EPS15: variants seen among roughly 807,000 people sequenced by gnomAD.
EPS15 encodes epidermal growth factor receptor substrate 15.
Under a neutral mutation model 113.8 loss-of-function variants are expected in EPS15, and 72 were observed. The ratio of observed to expected loss-of-function variants is 0.63; its 90% confidence interval spans 0.52 to 0.77. EPS15 has a LOEUF of 0.77. Ranked by LOEUF, EPS15 falls within the 30% of genes least tolerant of loss-of-function variation. The pLI is 0.00. For synonymous variants in EPS15, 344 were observed against 363.4 expected, an observed-to-expected ratio of 0.95 and a Z score of 0.61; for missense variants, 1,048 against 1,045.8, an observed-to-expected ratio of 1.00 and a Z score of -0.03.
chr1:51,477,963 A>G (rs1475046337), intron 2 of EPS15, among the ~76,000 whole-genome samples: 3 of 152,152 alleles, frequency 2.0e-5, no homozygotes, highest in African/African-American at 7.2e-5. Context: ...GTAGAGGTCT[A>G]TTAGGTCCGG....
At chr1:51,377,895 C>CTTTT (rs1209383457) in intron 21 of EPS15, among the ~76,000 whole-genome samples, 1 of 136,556 alleles carries the variant, frequency 7.3e-6, no homozygotes, top group Non-Finnish European at 1.6e-5. Context: ...TAATCATTAG[C>CTTTT]TTTTTTTTTT....
intron 2 of EPS15, among the ~76,000 whole-genome samples, chr1:51,476,307 C>T (rs1426308989): frequency 1.3e-5 from 2 of 152,174 alleles, no homozygotes; most frequent in South Asian, 2.1e-4. Context: ...TGGCCATTTT[C>T]ATGATATTGA....
At chr1:51,451,505 A>AAAAAAAAGAAAG (rs763389428) in intron 8 of EPS15, among the ~76,000 whole-genome samples, 5 of 147,538 alleles carry the variant, frequency 3.4e-5, no homozygotes, top group South Asian at 2.1e-4. Context: ...AAAAAAAAAA[A>AAAAAAAAGAAAG]AAAGAAAGAA....
chr1:51,385,476 G>C (rs1172807872), intron 21 of EPS15, among the ~76,000 whole-genome samples: 1 of 152,126 alleles, frequency 6.6e-6, no homozygotes, highest in Non-Finnish European at 1.5e-5. Context: ...AAATGGTATG[G>C]CTGCTGTGGA....
rs114790863 is a variant in EPS15 at position 51,394,816 on chromosome 1, T to C, written c.2053-369A>G. ...CTTTGGTGATATTCGTTTATTTTTT[T>C]CTTCATAATCTTGCTAGTTGTATAG... is the stretch of plus-strand genomic sequence containing the variant. On this transcript the variant is annotated intron_variant, in intron 20 of 24. Coordinates refer to ENST00000371733, the MANE Select transcript of EPS15 (RefSeq NM_001981.3). Among the ~76,000 whole-genome samples, 1,075 of 152,292 alleles carry C rather than the reference T, an allele frequency of 7.1e-3. 7 individuals carry two copies. Among genetic ancestry groups the C allele is most frequent in the African/African-American group, 0.025 (1,032 of 41,568 alleles).
chr1:51,388,020 AT>A (rs1433589088), intron 21 of EPS15, among the ~76,000 whole-genome samples: 9 of 152,126 alleles, frequency 5.9e-5, no homozygotes, highest in Non-Finnish European at 1.0e-4. Flanking sequence ...AATATACATT[AT>A]TTTCAGCACC....
chr1:51,423,150 A>G lies in EPS15; in HGVS notation c.1041-1292T>C, dbSNP rs148264475. On this transcript the variant is annotated intron_variant, in intron 12 of 24. Coordinates refer to ENST00000371733, the MANE Select transcript of EPS15 (RefSeq NM_001981.3). ...TGTCTATGGAAGAAAGCATACAAAT[A>G]AAGCTATTTGTACACTGTTACTTTT... The G allele has an allele frequency of 1.9e-3, 2,342 of 1,220,538 alleles. 3 individuals are homozygous for G. The highest frequency in any genetic ancestry group is 2.3e-3 in the Non-Finnish European group (2,127 of 932,266). 75.6% of individuals were successfully genotyped at this position (1,220,538 alleles called of 1,614,324 possible).
chr1:51,462,571 G>A (rs1440189243), intron 7 of EPS15, among the ~76,000 whole-genome samples: 1 of 152,060 alleles, frequency 6.6e-6, no homozygotes, highest in Non-Finnish European at 1.5e-5. Flanking sequence ...GCACCACAGA[G>A]AAGGCAGATA....
chr1:51,507,231 TGCAACA>T (rs1644513941), intron 1 of EPS15, among the ~76,000 whole-genome samples: 2 of 152,216 alleles, frequency 1.3e-5, no homozygotes, highest in South Asian at 4.1e-4. Context: ...AAAGGTTATT[TGCAACA>T]GCATAAATTA....
intron 12 of EPS15, among the ~76,000 whole-genome samples, chr1:51,439,850 G>A (rs1652446840): frequency 6.6e-6 from 1 of 151,978 alleles, no homozygotes; most frequent in South Asian, 2.1e-4. Flanking sequence ...CAAATTACAA[G>A]GTTTGTGTGA....
intron 17 of EPS15, among the ~76,000 whole-genome samples, chr1:51,403,191 C>A (rs1270684762): frequency 6.6e-6 from 1 of 152,122 alleles, no homozygotes; most frequent in Non-Finnish European, 1.5e-5. Flanking sequence ...GCACTTGCCA[C>A]CACATCCAGC....
At chr1:51,369,683 T>C (rs572718209) in intron 21 of EPS15, among the ~76,000 whole-genome samples, 3 of 152,338 alleles carry the variant, frequency 2.0e-5, no homozygotes, top group Non-Finnish European at 2.9e-5. Flanking sequence ...ATACGGTTTT[T>C]TGTGAAGGTG....
intron 9 of EPS15, 71 bp downstream of exon 9, chr1:51,447,975 G>C: frequency 1.9e-6 from 3 of 1,575,804 alleles, no homozygotes; most frequent in Non-Finnish European, 2.6e-6. Context: ...GCCTACAGAT[G>C]GTAAGGAGTG....
At chr1:51,370,184 T>C (rs1646611533) in intron 21 of EPS15, among the ~76,000 whole-genome samples, 1 of 152,206 alleles carries the variant, frequency 6.6e-6, no homozygotes, top group African/African-American at 2.4e-5. Flanking sequence ...ATAATATCCA[T>C]AGTCCAATGC....
chr1:51,473,605 CAACAACAAA>C (rs1016162437), intron 2 of EPS15, among the ~76,000 whole-genome samples: 7 of 151,808 alleles, frequency 4.6e-5, no homozygotes, highest in African/African-American at 1.7e-4. Context: ...CAAACAACAA[CAACAACAAA>C]AACAGGAAAA....
chr1:51,472,065 C>G (rs539993500), intron 3 of EPS15, among the ~76,000 whole-genome samples: 1 of 151,468 alleles, frequency 6.6e-6, no homozygotes, highest in African/African-American at 2.4e-5. Flanking sequence ...TATGTGTGGC[C>G]CAAGACAATT....
intron 1 of EPS15, among the ~76,000 whole-genome samples, chr1:51,501,432 T>G (rs977853781): frequency 1.5e-4 from 23 of 152,076 alleles, no homozygotes; most frequent in Admixed American, 1.4e-3. Flanking sequence ...AAACACTGTA[T>G]GTGTTACTCA....
At chr1:51,395,574 C>T (rs907248893) in intron 20 of EPS15, among the ~76,000 whole-genome samples, 2 of 152,106 alleles carry the variant, frequency 1.3e-5, no homozygotes, top group Non-Finnish European at 2.9e-5. Context: ...TAAGATCCTG[C>T]TTTCAACAAT....
intron 12 of EPS15, 107 bp from the exon 13 acceptor site, chr1:51,421,965 A>G: frequency 1.3e-6 from 2 of 1,484,826 alleles, no homozygotes; most frequent in Non-Finnish European, 1.8e-6. Flanking sequence ...ATAGTGAAAC[A>G]TTCAATTTTT....
Sources: allele counts gnomAD v4.1 joint callset (sites outside exome capture counted in the v4.1 genomes callset), GRCh38; gene constraint gnomAD v4.1.1; transcripts MANE v1.5; gene names NCBI Gene and HGNC (gene_info 2026-07-23, HGNC 2026-07-21).